PCDH15: variants seen among roughly 807,000 people sequenced by gnomAD.
The protein encoded by PCDH15 is protocadherin-15.
In PCDH15, 129 loss-of-function variants were observed where a neutral mutation model predicts 178.5. That is an observed-to-expected ratio of 0.72 (90% CI 0.63 to 0.84). The LOEUF is 0.84. Ranked by LOEUF, PCDH15 falls within the 40% of genes least tolerant of loss-of-function variation. The probability of loss-of-function intolerance (pLI) is 0.00; values close to 1 mark genes in which losing one functional copy is unlikely to be tolerated. For synonymous variants in PCDH15, 800 were observed against 732.0 expected (o/e 1.09, Z -1.50); for missense variants, 2,230 against 2,099.9 (o/e 1.06, Z -1.21).
intron 2 of PCDH15, among the ~76,000 whole-genome samples, chr10:55,405,796 C>T (rs577372179): frequency 6.6e-5 from 10 of 151,858 alleles, no homozygotes; most frequent in African/African-American, 2.2e-4. Context: ...TTATGGAGCT[C>T]CTAATTCTAG....
chr10:54,384,499 G>A (rs1205978930), intron 3 of PCDH15, among the ~76,000 whole-genome samples: 2 of 152,010 alleles, frequency 1.3e-5, no homozygotes, highest in Admixed American at 1.3e-4. Context: ...CAGTAAATTT[G>A]TAAGTGTGAT....
At position 54,306,866 on chromosome 10, in the gene PCDH15, G is replaced by T. The variant is rs182623227; in HGVS notation, c.876+10405C>A. 2.0e-5 allele frequency among the ~76,000 whole-genome samples: 3 copies of T among 149,996 alleles called. No homozygotes were observed. The Admixed American group carries it at 2.0e-4, about 10-fold the overall frequency. On this transcript the variant is annotated intron_variant, in intron 8 of 37. Transcript: ENST00000644397. ...CCATCTCCAACCCCTAAAACACATA[G>T]GTATGGCTTTTGTTCTCAACCTTCA...
intron 2 of PCDH15, among the ~76,000 whole-genome samples, chr10:55,542,360 A>G (rs1841783043): frequency 6.6e-6 from 1 of 151,002 alleles, no homozygotes; most frequent in South Asian, 2.1e-4. Context: ...GTGTGTATAT[A>G]TAAATATAAA....
At chr10:54,433,687 A>T (rs182495663) in intron 3 of PCDH15, among the ~76,000 whole-genome samples, 1 of 152,122 alleles carries the variant, frequency 6.6e-6, no homozygotes, top group Admixed American at 6.6e-5. Flanking sequence ...AAAAATAACT[A>T]AAAAAGTGTA....
At chr10:55,087,260 T>A (rs2132031979) in intron 2 of PCDH15, among the ~76,000 whole-genome samples, 1 of 152,306 alleles carries the variant, frequency 6.6e-6, no homozygotes, top group East Asian at 1.9e-4. Context: ...TATATGTTAC[T>A]TTGACATTCA....
At chr10:54,225,589 A>G (rs753302829) in intron 9 of PCDH15, among the ~76,000 whole-genome samples, 1 of 152,202 alleles carries the variant, frequency 6.6e-6, no homozygotes, top group Non-Finnish European at 1.5e-5. Context: ...TCACTGAAGG[A>G]AACTTTCTAA....
chr10:54,588,998 T>C (rs532774623), intron 2 of PCDH15, among the ~76,000 whole-genome samples: 1 of 152,342 alleles, frequency 6.6e-6, no homozygotes, highest in East Asian at 1.9e-4. Flanking sequence ...ATAGAATTTG[T>C]GTCTGTCTTG....
chr10:54,223,129 T>C (rs945584535), intron 9 of PCDH15, among the ~76,000 whole-genome samples: 4 of 151,874 alleles, frequency 2.6e-5, no homozygotes, highest in Admixed American at 6.6e-5. Context: ...CTGACCAACA[T>C]GGAGAAACCC....
intron 1 of PCDH15, among the ~76,000 whole-genome samples, chr10:55,313,514 T>C (rs2589418): frequency 2.6e-4 from 39 of 152,222 alleles, no homozygotes; most frequent in African/African-American, 9.4e-4. Flanking sequence ...GGTAAAAATG[T>C]AAGCTTCTGA....
At chr10:54,180,517 T>G (rs1435062346) in intron 13 of PCDH15, among the ~76,000 whole-genome samples, 1 of 152,184 alleles carries the variant, frequency 6.6e-6, no homozygotes, top group Admixed American at 6.5e-5. Flanking sequence ...ACACTTTCAG[T>G]CTTTGACATC....
chr10:55,172,269 T>C (rs1350272548), intron 1 of PCDH15, among the ~76,000 whole-genome samples: 2 of 151,994 alleles, frequency 1.3e-5, no homozygotes, highest in Non-Finnish European at 2.9e-5. Flanking sequence ...TAATTATTTA[T>C]TGGCATTATT....
intron 1 of PCDH15, among the ~76,000 whole-genome samples, chr10:55,167,530 T>C: frequency 6.6e-6 from 1 of 152,084 alleles, no homozygotes; most frequent in South Asian, 2.1e-4. Context: ...TAGAAATAAA[T>C]TAATTTTATG....
Position 53,806,602 on chromosome 10 carries a change from G to A in PCDH15, c.5200C>T (p.His1734Tyr), listed in dbSNP as rs1427141746. Residue 1734 changes from histidine to tyrosine, a missense_variant, in exon 38 of 38, where the codon CAT becomes TAT. His to Tyr is a moderately conservative substitution (Grantham distance 83). Coordinates refer to ENST00000644397, the MANE Select transcript of PCDH15 (RefSeq NM_001384140.1). ...GGTCACAGTTTTGTCATTGGTATAT[G>A]GAGGTTGTTCCAGGGGCCCATCCAA... Reference protein sequence around the residue: ...ELWMGPWNNLHIPMTKL With the variant: ...ELWMGPWNNLYIPMTKL 9.3e-6 allele frequency: 15 copies of A among 1,613,174 alleles called. No individual in the cohort carries two copies. The highest frequency in any genetic ancestry group is 1.3e-5 in the Non-Finnish European group (15 of 1,179,476).
At chr10:54,731,278 A>G (rs1943288623) in intron 1 of PCDH15, among the ~76,000 whole-genome samples, 1 of 151,068 alleles carries the variant, frequency 6.6e-6, no homozygotes, top group African/African-American at 2.4e-5. Flanking sequence ...ATGCTGGCAA[A>G]GACGTGAAGA....
chr10:54,245,558 A>G (rs1333710935), intron 8 of PCDH15, among the ~76,000 whole-genome samples: 2 of 152,132 alleles, frequency 1.3e-5, no homozygotes, highest in African/African-American at 4.8e-5. Flanking sequence ...AAGTGAATGT[A>G]TGAGAAAAAC....
chr10:55,043,041 G>C (rs1323679191), intron 2 of PCDH15, among the ~76,000 whole-genome samples: 1 of 151,896 alleles, frequency 6.6e-6, no homozygotes, highest in Non-Finnish European at 1.5e-5. Flanking sequence ...TCATGACTTT[G>C]TTCATTACCT....
chr10:53,827,581 A>C, intron 31 of PCDH15, 33 bp from the exon 32 acceptor site: 1 of 1,613,370 alleles, frequency 6.2e-7, no homozygotes, highest in Non-Finnish European at 8.5e-7. Flanking sequence ...TGTAAAACTC[A>C]TTTTAGAAAT....
rs71010382 is a variant in PCDH15, at chr10:54,535,709, C to CAAAAAAAA, written c.92-7840_92-7833dup. Among the ~76,000 whole-genome samples the CAAAAAAAA allele has an allele frequency of 1.4e-4, 6 of 42,600 alleles. 1 individual carries two copies. Among genetic ancestry groups the CAAAAAAAA allele is most frequent in the Non-Finnish European group, 2.4e-4 (6 of 25,214 alleles). The allele number at this position is 42,600 out of a possible 152,430, so 27.9% of individuals were successfully genotyped here. A position where few individuals can be genotyped will look rare whatever the true frequency, so the allele number is the denominator to read the frequency against. ...TGGCAGACAGAGCGAGACTCCACCT[C>CAAAAAAAA]AAAAAAAAAAAAAAAAAAAAAAAAA... On this transcript the variant is annotated intron_variant, in intron 2 of 37. Coordinates refer to ENST00000644397, the MANE Select transcript of PCDH15 (RefSeq NM_001384140.1).
intron 32 of PCDH15, among the ~76,000 whole-genome samples, chr10:53,826,032 A>G (rs1278621451): frequency 2.0e-5 from 3 of 151,728 alleles, no homozygotes; most frequent in Admixed American, 6.6e-5. Flanking sequence ...ACACAACTTT[A>G]CACATAATCC....
Sources: gnomAD v4.1 joint callset for allele counts (sites outside exome capture counted in the v4.1 genomes callset) on GRCh38, gnomAD v4.1.1 for gene constraint, MANE v1.5 for transcripts, NCBI Gene and HGNC (gene_info 2026-07-23, HGNC 2026-07-21) for gene names.